SAMSN1: variants seen among roughly 807,000 people sequenced by gnomAD.
SAMSN1 encodes SAM domain, SH3 domain and nuclear localization signals 1.
SAMSN1 carries 31 observed loss-of-function variants against 42.0 expected under a neutral mutation model. That is an observed-to-expected ratio of 0.74 (90% CI 0.55 to 1.00). The LOEUF (loss-of-function observed/expected upper bound fraction) is 1.00, where lower values mean the gene tolerates loss of function less well. Among genes scored for constraint, SAMSN1 ranks in the 50% least tolerant of loss-of-function variants. The probability of loss-of-function intolerance (pLI) is 0.00; values close to 1 mark genes in which losing one functional copy is unlikely to be tolerated. For synonymous variants in SAMSN1, 178 were observed against 151.9 expected, an observed-to-expected ratio of 1.17 and a Z score of -1.26; for missense variants, 464 against 439.4, an observed-to-expected ratio of 1.06 and a Z score of -0.50.
chr21:14,577,537 C>T (rs1160762693), intron 2 of SAMSN1, among the ~76,000 whole-genome samples: 1 of 151,824 alleles, frequency 6.6e-6, no homozygotes, highest in Non-Finnish European at 1.5e-5. Context: ...TCCTTCACAG[C>T]CCACAAACTC....
chr21:14,563,085 T>C (rs1980996984), intron 2 of SAMSN1, among the ~76,000 whole-genome samples: 2 of 152,180 alleles, frequency 1.3e-5, no homozygotes, highest in Admixed American at 6.6e-5. Context: ...AAGTCATATA[T>C]CTTTACTGAA....
chr21:14,485,802 T>G lies in SAMSN1; in HGVS notation c.*110A>C. On this transcript the variant is annotated 3_prime_UTR_variant, in exon 8 of 8. Coordinates refer to ENST00000400566, the MANE Select transcript of SAMSN1 (RefSeq NM_022136.5). Reference sequence around the variant, plus strand: ...TTATTCAGATTAAAACATTTAAACTTTAGGTTTTATTTACAAATATTTATC... The same window carrying G: ...TTATTCAGATTAAAACATTTAAACTGTAGGTTTTATTTACAAATATTTATC... 1 of 839,460 alleles carries G rather than the reference T, an allele frequency of 1.2e-6. No homozygotes were observed. The highest frequency in any genetic ancestry group is 2.1e-5 in the Admixed American group (1 of 48,628). The allele number at this position is 839,460 out of a possible 1,614,324, so 52.0% of individuals were successfully genotyped here. A position where few individuals can be genotyped will look rare whatever the true frequency, so the allele number is the denominator to read the frequency against.
At chr21:14,632,684 A>G (rs1983361255) in intron 2 of SAMSN1, among the ~76,000 whole-genome samples, 1 of 152,122 alleles carries the variant, frequency 6.6e-6, no homozygotes, top group African/African-American at 2.4e-5. Context: ...TATGGGCCTG[A>G]CTTAGATGGG....
At chr21:14,607,022 T>C (rs1982587669) in intron 5 of SAMSN1, among the ~76,000 whole-genome samples, 1 of 152,192 alleles carries the variant, frequency 6.6e-6, no homozygotes, top group South Asian at 2.1e-4. Flanking sequence ...GGAAAATTAC[T>C]TTTTTTGGCC....
chr21:14,625,874 A>T (rs1236545740), intron 2 of SAMSN1, among the ~76,000 whole-genome samples: 1 of 152,236 alleles, frequency 6.6e-6, no homozygotes, highest in African/African-American at 2.4e-5. Context: ...CCTGACTTCA[A>T]ACTATACTAC....
intron 5 of SAMSN1, among the ~76,000 whole-genome samples, chr21:14,505,518 G>A (rs1241321864): frequency 2.0e-5 from 3 of 152,166 alleles, no homozygotes; most frequent in Admixed American, 2.0e-4. Flanking sequence ...ATTATACAAT[G>A]ATAAAAGGCC....
At chr21:14,523,981 A>G (rs1296542204) in intron 1 of SAMSN1, among the ~76,000 whole-genome samples, 2 of 152,236 alleles carry the variant, frequency 1.3e-5, no homozygotes, top group Non-Finnish European at 2.9e-5. Context: ...CCATAGGAGT[A>G]TATCAATCCA....
At chr21:14,516,037 T>C (rs1278687731) in intron 3 of SAMSN1, among the ~76,000 whole-genome samples, 1 of 152,178 alleles carries the variant, frequency 6.6e-6, no homozygotes, top group African/African-American at 2.4e-5. Context: ...GCAGAGAAAT[T>C]GGAACCCTCA....
intron 2 of SAMSN1, among the ~76,000 whole-genome samples, chr21:14,553,942 A>T (rs539053453): frequency 6.6e-6 from 1 of 152,030 alleles, no homozygotes; most frequent in African/African-American, 2.4e-5. Context: ...TAAGTTCTTC[A>T]TCTCTCTTTG....
At chr21:14,645,193 A>G (rs1384494663) in intron 1 of SAMSN1, among the ~76,000 whole-genome samples, 1 of 152,208 alleles carries the variant, frequency 6.6e-6, no homozygotes, top group African/African-American at 2.4e-5. Flanking sequence ...GAGTGGTTAC[A>G]GCAGGCCTTG....
intron 2 of SAMSN1, among the ~76,000 whole-genome samples, chr21:14,622,972 T>A (rs1449547294): frequency 3.9e-5 from 6 of 152,300 alleles, no homozygotes; most frequent in Admixed American, 3.3e-4. Context: ...TATTCAACAT[T>A]CTTAAAGAAA....
intron 2 of SAMSN1, among the ~76,000 whole-genome samples, chr21:14,624,331 T>C (rs1238018172): frequency 6.6e-6 from 1 of 152,084 alleles, no homozygotes; most frequent in Non-Finnish European, 1.5e-5. Flanking sequence ...AATCAATGAA[T>C]GCAGGAGCTG....
chr21:14,511,530 C>T (rs1485404388), intron 4 of SAMSN1, among the ~76,000 whole-genome samples: 3 of 152,108 alleles, frequency 2.0e-5, no homozygotes, highest in Non-Finnish European at 4.4e-5. Flanking sequence ...ATTCTACAGC[C>T]AATAGGAAAA....
chr21:14,500,747 G>T lies in SAMSN1; in HGVS notation c.562-12C>A. 1 of 1,591,610 alleles carries T rather than the reference G, an allele frequency of 6.3e-7. No homozygotes were observed. Among genetic ancestry groups the T allele is most frequent in the South Asian group, 1.1e-5 (1 of 90,620 alleles). ...ATGATGTCTCCTTTCTAAGGGCAAA[G>T]AAATCCATACACATTAGATTTCAGA... On this transcript the variant is annotated splice_polypyrimidine_tract_variant and intron_variant, in intron 5 of 7. Transcript: ENST00000400566.
chr21:14,590,731 A>C (rs972967452), intron 7 of SAMSN1, among the ~76,000 whole-genome samples: 2 of 152,236 alleles, frequency 1.3e-5, no homozygotes, highest in African/African-American at 4.8e-5. Context: ...GACAGGAAGA[A>C]GAGAGCTACT....
chr21:14,502,519 A>C (rs1987210260), intron 5 of SAMSN1, among the ~76,000 whole-genome samples: 1 of 152,200 alleles, frequency 6.6e-6, no homozygotes, highest in African/African-American at 2.4e-5. Flanking sequence ...ATAGTATTTC[A>C]ATTTTCATGG....
chr21:14,548,948 G>A (rs368100127), upstream of SAMSN1, among the ~76,000 whole-genome samples: 8 of 152,094 alleles, frequency 5.3e-5, no homozygotes, highest in African/African-American at 1.9e-4. Flanking sequence ...TTCTGAAATA[G>A]GGAAATTGCA....
chr21:14,572,946 A>T (rs145276573), intron 2 of SAMSN1, among the ~76,000 whole-genome samples: 49 of 152,316 alleles, frequency 3.2e-4, no homozygotes, highest in African/African-American at 1.1e-3. Flanking sequence ...TGAGCTTCAG[A>T]TTTCTACATA....
chr21:14,505,653 G>A (rs1303011970), intron 5 of SAMSN1, among the ~76,000 whole-genome samples: 1 of 152,146 alleles, frequency 6.6e-6, no homozygotes, highest in East Asian at 1.9e-4. Context: ...TAATAGTGGG[G>A]AACTTCAGTA....
Sources: allele counts gnomAD v4.1 joint callset (sites outside exome capture counted in the v4.1 genomes callset), GRCh38; gene constraint gnomAD v4.1.1; transcripts MANE v1.5; gene names NCBI Gene and HGNC (gene_info 2026-07-23, HGNC 2026-07-21).